TBC1D10A: variants seen among roughly 807,000 people sequenced by gnomAD.
TBC1D10A encodes TBC1 domain family member 10A, also known as EBP50-PDX interactor of 64 kDa.
TBC1D10A carries 24 observed loss-of-function variants against 52.9 expected under a neutral mutation model. The ratio of observed to expected loss-of-function variants is 0.45; its 90% CI spans 0.33 to 0.64. TBC1D10A has a LOEUF of 0.64. Ranked by LOEUF, TBC1D10A falls within the 30% of genes least tolerant of loss-of-function variation. The pLI is 0.02. For synonymous variants in TBC1D10A, 278 were observed against 282.9 expected, an observed-to-expected ratio of 0.98 and a Z score of 0.17; for missense variants, 602 against 687.9, an observed-to-expected ratio of 0.88 and a Z score of 1.40.
chr22:30,299,978 A>G (rs1373739705), intron 2 of TBC1D10A, among the ~76,000 whole-genome samples: 1 of 151,628 alleles, frequency 6.6e-6, no homozygotes, highest in Non-Finnish European at 1.5e-5. Flanking sequence ...AAAAAAAAAA[A>G]GGACTTTTCC....
chr22:30,308,566 C>A (rs1179335636), intron 1 of TBC1D10A, among the ~76,000 whole-genome samples: 2 of 152,178 alleles, frequency 1.3e-5, no homozygotes, highest in Non-Finnish European at 2.9e-5. Flanking sequence ...GTTTTAAATG[C>A]TGGTCACAAG....
intron 1 of TBC1D10A, 152 bp downstream of exon 1, chr22:30,326,521 A>G (rs966011840): frequency 2.1e-6 from 1 of 483,486 alleles, no homozygotes; most frequent in South Asian, 6.6e-5. Flanking sequence ...CTAGGAAGGC[A>G]GGGGTGGTGG....
At chr22:30,314,712 T>C (rs528828886) in intron 1 of TBC1D10A, among the ~76,000 whole-genome samples, 5 of 151,184 alleles carry the variant, frequency 3.3e-5, no homozygotes, top group East Asian at 2.0e-4. Flanking sequence ...CTCAGGAGGC[T>C]GAGGTGGAAG....
chr22:30,305,017 A>G (rs535329814), intron 1 of TBC1D10A, among the ~76,000 whole-genome samples: 1 of 152,342 alleles, frequency 6.6e-6, no homozygotes, highest in South Asian at 2.1e-4. Flanking sequence ...AGAGTTGAAC[A>G]CAAAAACTAG....
At chr22:30,307,218 G>A in intron 1 of TBC1D10A, among the ~76,000 whole-genome samples, 1 of 152,158 alleles carries the variant, frequency 6.6e-6, no homozygotes, top group Non-Finnish European at 1.5e-5. Context: ...AGAGAAGCTG[G>A]CCCAGTATAA....
intron 4 of TBC1D10A, 149 bp from the exon 5 acceptor site, chr22:30,295,204 T>G: frequency 1.3e-6 from 1 of 744,506 alleles, no homozygotes; most frequent in Non-Finnish European, 2.2e-6. Flanking sequence ...GGGGTCAGTC[T>G]CCTACTGGAG....
intron 1 of TBC1D10A, among the ~76,000 whole-genome samples, chr22:30,306,834 C>T (rs897216085): frequency 1.3e-5 from 2 of 152,336 alleles, no homozygotes; most frequent in Non-Finnish European, 2.9e-5. Flanking sequence ...TGCTCTCTAA[C>T]TGCAGGTAGA....
At chr22:30,313,626 C>T (rs1296149819) in intron 1 of TBC1D10A, among the ~76,000 whole-genome samples, 2 of 134,410 alleles carry the variant, frequency 1.5e-5, no homozygotes, top group Non-Finnish European at 1.5e-5. Flanking sequence ...TGGTCTCGAT[C>T]TCCTGACCTC....
intron 1 of TBC1D10A, among the ~76,000 whole-genome samples, chr22:30,319,502 G>T (rs1930607852): frequency 6.6e-6 from 1 of 152,220 alleles, no homozygotes; most frequent in Non-Finnish European, 1.5e-5. Context: ...AGGCTGCTGG[G>T]TCTGCTGAGT....
At chr22:30,310,643 C>T (rs902206292) in intron 1 of TBC1D10A, among the ~76,000 whole-genome samples, 5 of 152,146 alleles carry the variant, frequency 3.3e-5, no homozygotes, top group African/African-American at 4.8e-5. Flanking sequence ...CACTTTCATG[C>T]GCTGGCCGTG....
At position 30,326,889 on chromosome 22, in the gene TBC1D10A, G is replaced by T; in HGVS notation, c.-8C>A. 6.8e-7 allele frequency: 1 copy of T among 1,475,072 alleles called. No individual in the cohort carries two copies. Among genetic ancestry groups the T allele is most frequent in the Non-Finnish European group, 8.9e-7 (1 of 1,121,044 alleles). The allele number at this position is 1,475,072 out of a possible 1,614,324, so 91.4% of individuals were successfully genotyped here. ...TCCGTTGCTCTTCGCCATCCCAGCC[G>T]CGCCCGCCGCCTGAGCTCCAGCGGC... is the stretch of plus-strand genomic sequence containing the variant. On this transcript the variant is annotated 5_prime_UTR_variant, in exon 1 of 9. Coordinates refer to ENST00000215790, the MANE Select transcript of TBC1D10A (RefSeq NM_031937.3).
intron 1 of TBC1D10A, among the ~76,000 whole-genome samples, chr22:30,316,782 T>C (rs1048148617): frequency 7.9e-5 from 12 of 152,148 alleles, no homozygotes; most frequent in African/African-American, 2.9e-4. Context: ...CTCATGCCTA[T>C]AACGTAAGCA....
At chr22:30,319,992 C>T (rs1930619543) in intron 1 of TBC1D10A, among the ~76,000 whole-genome samples, 1 of 152,196 alleles carries the variant, frequency 6.6e-6, no homozygotes, top group Non-Finnish European at 1.5e-5. Context: ...GCTAGAGGAG[C>T]ACTGGGTGAC....
intron 1 of TBC1D10A, among the ~76,000 whole-genome samples, chr22:30,314,864 C>A (rs1930502015): frequency 6.6e-6 from 1 of 151,178 alleles, no homozygotes; most frequent in Non-Finnish European, 1.5e-5. Context: ...AAAAAACCCA[C>A]AGAGGAGGGT....
intron 2 of TBC1D10A, among the ~76,000 whole-genome samples, chr22:30,299,974 A>T (rs1930168129): frequency 6.6e-6 from 1 of 151,932 alleles, no homozygotes; most frequent in South Asian, 2.1e-4. Context: ...TCAAAAAAAA[A>T]AAAAGGACTT....
Position 30,318,997 on chromosome 22 carries a change from CCTACCCTTG to C in TBC1D10A, c.209+7667_209+7675del, listed in dbSNP as rs537813491. ...GAGACTGCCCAACCCATTTCCCTAA[CCTACCCTTG>C]CTTCGTATCATTCTACTGCCTCCCG... On this transcript the variant is annotated intron_variant, in intron 1 of 8. Coordinates refer to ENST00000215790, the MANE Select transcript of TBC1D10A (RefSeq NM_031937.3). Among the ~76,000 whole-genome samples the C allele has an allele frequency of 1.1e-4, 16 of 152,322 alleles. No individual in the cohort carries two copies. In the East Asian group the frequency reaches 3.1e-3, roughly 29 times the overall value.
At chr22:30,299,625 C>A (rs747111381) in intron 2 of TBC1D10A, 74 bp from the exon 3 acceptor site, 66 of 1,369,808 alleles carry the variant, frequency 4.8e-5, no homozygotes, top group Non-Finnish European at 6.3e-5. Context: ...TCTGCCAATG[C>A]GTGGTGGGCC....
At chr22:30,319,661 T>C (rs1239227031) in intron 1 of TBC1D10A, among the ~76,000 whole-genome samples, 1 of 152,132 alleles carries the variant, frequency 6.6e-6, no homozygotes. Context: ...GCAGCTGCCC[T>C]GAAATCCTAG....
chr22:30,304,771 C>T (rs1226876479), intron 1 of TBC1D10A, 141 bp from the exon 2 acceptor site: 4 of 1,416,380 alleles, frequency 2.8e-6, no homozygotes, highest in South Asian at 3.0e-5. Context: ...CTACCTCGGA[C>T]CATCCTATTG....
Sources: allele counts gnomAD v4.1 joint callset (sites outside exome capture counted in the v4.1 genomes callset), GRCh38; gene constraint gnomAD v4.1.1; transcripts MANE v1.5; gene names NCBI Gene and HGNC (gene_info 2026-07-23, HGNC 2026-07-21).